SLC22A23: variants seen among roughly 807,000 people sequenced by gnomAD.
SLC22A23 encodes the protein solute carrier family 22 member 23.
A neutral mutation model predicts 61.0 loss-of-function variants in SLC22A23; 26 were observed. The ratio of observed to expected loss-of-function variants is 0.43; its 90% confidence interval spans 0.31 to 0.59. The LOEUF is 0.59. Among genes scored for constraint, SLC22A23 ranks in the 20% least tolerant of loss-of-function variants. The probability of loss-of-function intolerance (pLI) is 0.11; values close to 1 mark genes in which losing one functional copy is unlikely to be tolerated. For synonymous variants in SLC22A23, 430 were observed against 413.9 expected (o/e 1.04, Z -0.47); for missense variants, 796 against 934.7 (o/e 0.85, Z 1.94).
intron 4 of SLC22A23, among the ~76,000 whole-genome samples, chr6:3,310,022 C>G (rs1408552718): frequency 6.6e-6 from 1 of 152,216 alleles, no homozygotes; most frequent in African/African-American, 2.4e-5. Flanking sequence ...CAAAGAGTCC[C>G]ACCCAAATTA....
intron 3 of SLC22A23, among the ~76,000 whole-genome samples, chr6:3,332,175 C>T (rs921152818): frequency 3.9e-5 from 6 of 152,166 alleles, no homozygotes; most frequent in Non-Finnish European, 7.3e-5. Context: ...GCTCTCAGTT[C>T]CCCAGCTGTC....
At position 3,309,052 on chromosome 6, in the gene SLC22A23, C is replaced by T. The variant is rs756873531; in HGVS notation, c.1083-10834G>A. Among the ~76,000 whole-genome samples, 3 of 151,340 alleles carry T rather than the reference C, an allele frequency of 2.0e-5. No homozygotes were observed. Among genetic ancestry groups the T allele is most frequent in the Admixed American group, 6.6e-5 (1 of 15,208 alleles). On this transcript the variant is annotated intron_variant, in intron 4 of 9. Transcript: ENST00000406686. The surrounding 1 kb of genome is among the most constrained non-coding windows in gnomAD (Gnocchi z 4.7). ...ATCTTAAAAAGAGCCGAGGGCTGGGCGCTTTGGGAGGCTGAGGTGGGTGGA... is the reference window on the plus strand; with the variant it reads ...ATCTTAAAAAGAGCCGAGGGCTGGGTGCTTTGGGAGGCTGAGGTGGGTGGA...
chr6:3,375,149 T>TG (rs1289105974), intron 3 of SLC22A23, among the ~76,000 whole-genome samples: 8 of 151,842 alleles, frequency 5.3e-5, no homozygotes, highest in African/African-American at 1.9e-4. Flanking sequence ...AGACTTCAAA[T>TG]GACAACAAGC....
intron 3 of SLC22A23, among the ~76,000 whole-genome samples, chr6:3,383,829 C>T (rs182407765): frequency 1.3e-4 from 20 of 152,356 alleles, no homozygotes; most frequent in Non-Finnish European, 2.1e-4. Context: ...TCCTACTATG[C>T]GCCTGACCAG....
At chr6:3,347,617 C>T (rs1764516864) in intron 3 of SLC22A23, among the ~76,000 whole-genome samples, 1 of 152,056 alleles carries the variant, frequency 6.6e-6, no homozygotes, top group Non-Finnish European at 1.5e-5. Context: ...ATTCATCGCT[C>T]GTGTTGGCTA....
chr6:3,403,470 T>C (rs982410693), intron 3 of SLC22A23, among the ~76,000 whole-genome samples: 4 of 152,076 alleles, frequency 2.6e-5, no homozygotes, highest in African/African-American at 2.4e-5. Context: ...GCAAGGTTGT[T>C]GACATGAGGG....
At chr6:3,437,662 CTG>C (rs1309477096) in intron 1 of SLC22A23, among the ~76,000 whole-genome samples, 1 of 151,636 alleles carries the variant, frequency 6.6e-6, no homozygotes, top group African/African-American at 2.4e-5. Context: ...GCACTCCAGC[CTG>C]GGTGACAGAG....
chr6:3,278,441 C>T (rs1359468670), intron 9 of SLC22A23, among the ~76,000 whole-genome samples: 1 of 152,212 alleles, frequency 6.6e-6, no homozygotes, highest in East Asian at 1.9e-4. Context: ...CTGAGGGTCC[C>T]AGACCACCGT....
At chr6:3,380,645 TA>T (rs57482525) in intron 3 of SLC22A23, among the ~76,000 whole-genome samples, 21,079 of 149,268 alleles carry the variant, frequency 0.14, 1,829 homozygotes, top group African/African-American at 0.26. Context: ...ATTAAGTTAT[TA>T]AAAAAAAAAA....
intron 3 of SLC22A23, among the ~76,000 whole-genome samples, chr6:3,332,411 G>A (rs1277040721): frequency 6.6e-6 from 1 of 152,166 alleles, no homozygotes; most frequent in Non-Finnish European, 1.5e-5. Context: ...AGAATTATTA[G>A]CAACTTAGTC....
intron 3 of SLC22A23, among the ~76,000 whole-genome samples, chr6:3,388,708 A>G (rs544704477): frequency 6.6e-5 from 10 of 152,336 alleles, no homozygotes; most frequent in East Asian, 3.9e-4. Context: ...ATACAGATAC[A>G]TGGATACAAT....
chr6:3,334,319 G>A (rs927770729), intron 3 of SLC22A23, among the ~76,000 whole-genome samples: 1 of 152,058 alleles, frequency 6.6e-6, no homozygotes, highest in African/African-American at 2.4e-5. Context: ...CTTCCATCGT[G>A]CCTGCTAATT....
intron 1 of SLC22A23, among the ~76,000 whole-genome samples, chr6:3,419,605 G>A (rs1198223393): frequency 6.6e-6 from 1 of 152,166 alleles, no homozygotes; most frequent in Non-Finnish European, 1.5e-5. Context: ...AACAGTTCTG[G>A]AGGTGGCTAA....
chr6:3,406,545 TGTGCGC>T (rs753509059), intron 3 of SLC22A23, among the ~76,000 whole-genome samples: 14 of 46,712 alleles, frequency 3.0e-4, no homozygotes, highest in African/African-American at 2.4e-3. Context: ...TGTGTGTGTG[TGTGCGC>T]GCATGTGTGT....
intron 9 of SLC22A23, chr6:3,276,710 G>A (rs1490522453): frequency 1.1e-4 from 16 of 152,266 alleles, no homozygotes; most frequent in Admixed American, 9.2e-4. Flanking sequence ...TGCATTTCTC[G>A]AGGAAGGAGA....
chr6:3,297,756 C>A lies in SLC22A23; in HGVS notation c.1210+335G>T, dbSNP rs9405626. Among the ~76,000 whole-genome samples the A allele has an allele frequency of 0.3, 45,902 of 152,094 alleles. 8,019 individuals are homozygous for A. Among genetic ancestry groups the A allele is most frequent in the East Asian group, 0.58 (3,011 of 5,150 alleles). ...AGGGGCCATCTACACCCTGAGCCAG[C>A]GCTCTGGCAGTGTTTAGACCTGGCA... On this transcript the variant is annotated intron_variant, in intron 5 of 9. Coordinates refer to ENST00000406686, the MANE Select transcript of SLC22A23 (RefSeq NM_015482.2). This position sits in a 1 kb window ranked among gnomAD's most constrained non-coding sequence, Gnocchi z 4.3.
At chr6:3,377,594 G>C (rs1766659147) in intron 3 of SLC22A23, among the ~76,000 whole-genome samples, 1 of 152,212 alleles carries the variant, frequency 6.6e-6, no homozygotes, top group Admixed American at 6.5e-5. Flanking sequence ...CTCCCATGCA[G>C]CTGCATCCAC....
In SLC22A23 at chr6:3,456,573, G is replaced by A. The variant is rs1323963372; in HGVS notation, c.-14C>T. ...GTCTATGGCCATGGCCCGGGCCCGC[G>A]GCTCCCGCAGAGGCGCATAGAGCGC... On this transcript the variant is annotated 5_prime_UTR_variant, in exon 1 of 10. Coordinates refer to ENST00000406686, the MANE Select transcript of SLC22A23 (RefSeq NM_015482.2). The surrounding 1 kb of genome is among the most constrained non-coding windows in gnomAD (Gnocchi z 7.1). 1.5e-5 allele frequency: 15 copies of A among 982,944 alleles called. No homozygotes were observed. Among genetic ancestry groups the A allele is most frequent in the Non-Finnish European group, 1.8e-5 (15 of 830,046 alleles). 60.9% of individuals were successfully genotyped at this position (982,944 alleles called of 1,614,324 possible).
intron 3 of SLC22A23, among the ~76,000 whole-genome samples, chr6:3,389,909 T>C (rs1767559311): frequency 6.6e-6 from 1 of 152,230 alleles, no homozygotes; most frequent in Admixed American, 6.5e-5. Context: ...AAAGATTCGC[T>C]CTCATTGTTG....
Sources: allele counts gnomAD v4.1 joint callset (sites outside exome capture counted in the v4.1 genomes callset), GRCh38; gene constraint gnomAD v4.1.1; non-coding constraint Gnocchi (gnomAD v3.1); transcripts MANE v1.5; gene names NCBI Gene and HGNC (gene_info 2026-07-23, HGNC 2026-07-21).